The following DRC8 variants were observed in gnomAD, a reference collection of about 807,000 sequenced individuals.
The protein encoded by DRC8 is dynein regulatory complex protein 8.
At chr1:245,022,185 G>A in the DRC8 span, among the ~76,000 whole-genome samples, 2 of 144,762 alleles carry the variant, frequency 1.4e-5, no homozygotes, top group African/African-American at 5.2e-5. Flanking sequence ...TCACTCTATT[G>A]CCCAGGCAGG....
chr1:244,991,378 T>C, the DRC8 span, among the ~76,000 whole-genome samples: 1,856 of 152,214 alleles, frequency 0.012, 42 homozygotes, highest in African/African-American at 0.043. Context: ...TTAGGGTTTT[T>C]GTGGGGGTTC....
the DRC8 span, among the ~76,000 whole-genome samples, chr1:244,993,266 A>T: frequency 3.9e-5 from 6 of 152,208 alleles, no homozygotes; most frequent in Non-Finnish European, 8.8e-5. Flanking sequence ...GAGGCTGGCT[A>T]CCACAGTCTG....
chr1:244,997,244 A>T, the DRC8 span, among the ~76,000 whole-genome samples: 1 of 151,938 alleles, frequency 6.6e-6, no homozygotes. Context: ...TCCTTCCAAC[A>T]CTTTCCATAG....
At chr1:245,070,396 A>G in the DRC8 span, among the ~76,000 whole-genome samples, 3 of 152,252 alleles carry the variant, frequency 2.0e-5, no homozygotes, top group Non-Finnish European at 4.4e-5. Context: ...TGGATCCTGC[A>G]TGATAAACAT....
the DRC8 span, chr1:244,970,104 G>C: frequency 1.5e-6 from 1 of 673,184 alleles, no homozygotes; most frequent in Admixed American, 2.6e-5. Context: ...AGGGGTTGGG[G>C]ACCGTGTGAT....
chr1:245,040,198 G>A, the DRC8 span, among the ~76,000 whole-genome samples: 1 of 152,136 alleles, frequency 6.6e-6, no homozygotes, highest in African/African-American at 2.4e-5. Flanking sequence ...CAGCCATTGG[G>A]CAATGTGGAA....
chr1:244,974,965 C>G, the DRC8 span, among the ~76,000 whole-genome samples: 3 of 151,864 alleles, frequency 2.0e-5, no homozygotes, highest in South Asian at 4.2e-4. Context: ...GAGTCTCGCT[C>G]TGTCGCCCAG....
the DRC8 span, among the ~76,000 whole-genome samples, chr1:245,010,022 A>G: frequency 6.6e-6 from 1 of 151,892 alleles, no homozygotes; most frequent in African/African-American, 2.4e-5. Flanking sequence ...CACCACGTCC[A>G]GCTAATTTTG....
the DRC8 span, among the ~76,000 whole-genome samples, chr1:245,019,161 A>G: frequency 1.3e-5 from 2 of 152,320 alleles, no homozygotes; most frequent in African/African-American, 4.8e-5. Context: ...CGAGGCCCTG[A>G]GGGAAAGTGG....
the DRC8 span, among the ~76,000 whole-genome samples, chr1:244,989,665 A>G: frequency 1.1e-4 from 17 of 152,230 alleles, no homozygotes; most frequent in African/African-American, 4.1e-4. Flanking sequence ...CCCATTCCGT[A>G]GTCTTTGGAA....
At chr1:244,998,550 T>A in the DRC8 span, among the ~76,000 whole-genome samples, 3 of 152,118 alleles carry the variant, frequency 2.0e-5, no homozygotes, top group Admixed American at 2.0e-4. Context: ...CTTACCAAGA[T>A]GTCTAGGCTG....
the DRC8 span, among the ~76,000 whole-genome samples, chr1:245,028,575 C>A: frequency 6.6e-6 from 1 of 151,880 alleles, no homozygotes; most frequent in African/African-American, 2.4e-5. Context: ...AAAGAAGAAA[C>A]CCACTCTGAC....
At chr1:244,970,532 G>A in the DRC8 span, 5 of 1,473,224 alleles carry the variant, frequency 3.4e-6, no homozygotes, top group Non-Finnish European at 4.5e-6. Flanking sequence ...GTGGGCCCTC[G>A]TCCATCTGGA....
chr1:245,004,571 A>G, the DRC8 span, among the ~76,000 whole-genome samples: 1 of 152,140 alleles, frequency 6.6e-6, no homozygotes, highest in Non-Finnish European at 1.5e-5. Flanking sequence ...GATATTTTGT[A>G]TATTGGCCAT....
the DRC8 span, among the ~76,000 whole-genome samples, chr1:245,034,523 C>T: frequency 2.8e-5 from 4 of 142,838 alleles, no homozygotes; most frequent in Non-Finnish European, 6.0e-5. Flanking sequence ...ATTGCTTGAA[C>T]CTAGGAGGCA....
At chr1:245,104,639 C>G in the DRC8 span, among the ~76,000 whole-genome samples, 1 of 152,190 alleles carries the variant, frequency 6.6e-6, no homozygotes, top group East Asian at 1.9e-4. Context: ...CCATCCTCAC[C>G]CCTGCTCGTT....
At chr1:245,026,273 A>G in the DRC8 span, among the ~76,000 whole-genome samples, 1 of 152,214 alleles carries the variant, frequency 6.6e-6, no homozygotes, top group Non-Finnish European at 1.5e-5. Flanking sequence ...AGGAACCTTG[A>G]GTGTACTAGG....
At chr1:245,035,154 T>G in the DRC8 span, among the ~76,000 whole-genome samples, 2 of 150,798 alleles carry the variant, frequency 1.3e-5, no homozygotes, top group South Asian at 4.2e-4. Flanking sequence ...GATTAACAGA[T>G]TCATTGCAAT....
chr1:245,051,271 A>C, the DRC8 span, among the ~76,000 whole-genome samples: 402 of 152,114 alleles, frequency 2.6e-3, 1 homozygote, highest in African/African-American at 9.2e-3. Context: ...GTGTACTTGT[A>C]GTCTCAGTTG....
Sources: allele counts gnomAD v4.1 joint callset (sites outside exome capture counted in the v4.1 genomes callset), GRCh38; gene constraint gnomAD v4.1.1; transcripts MANE v1.5; gene names NCBI Gene and HGNC (gene_info 2026-07-23, HGNC 2026-07-21).